Variants in ERP44 observed in about 807,000 individuals in gnomAD.
ERP44 encodes the protein endoplasmic reticulum protein 44.
ERP44 carries 25 observed loss-of-function variants against 53.4 expected under a neutral mutation model. The ratio of observed to expected loss-of-function variants is 0.47; its 90% CI spans 0.34 to 0.65. ERP44 has a LOEUF of 0.65. Ranked by LOEUF, ERP44 falls within the 30% of genes least tolerant of loss-of-function variation. ERP44 has a pLI of 0.01. For missense variants in ERP44, 338 were observed against 493.2 expected (o/e 0.69, Z 2.98); for synonymous variants, 145 against 161.2 (o/e 0.90, Z 0.76).
At chr9:99,985,631 G>A (rs1167491638) in intron 10 of ERP44, among the ~76,000 whole-genome samples, 1 of 152,088 alleles carries the variant, frequency 6.6e-6, no homozygotes, top group Non-Finnish European at 1.5e-5. Context: ...TTTGAGGTTC[G>A]GGTCCTTAAG....
At position 99,983,233 on chromosome 9, in the gene ERP44, G is replaced by A. The variant is rs1273440318; in HGVS notation, c.1120-520C>T. ...GTAGTATTTTACTTGTGTACCAAGA[G>A]CAGACAAAAATACACAGTGAAACGA... On this transcript the variant is annotated intron_variant, in intron 11 of 11. Coordinates refer to ENST00000262455, the MANE Select transcript of ERP44 (RefSeq NM_015051.3). Among the ~76,000 whole-genome samples, 7 of 152,162 alleles carry A rather than the reference G, an allele frequency of 4.6e-5. No homozygotes were observed. In the East Asian group the frequency reaches 1.3e-3, roughly 29 times the overall value.
At chr9:100,041,164 G>A (rs1256084747) in intron 4 of ERP44, among the ~76,000 whole-genome samples, 2 of 152,030 alleles carry the variant, frequency 1.3e-5, no homozygotes, top group African/African-American at 4.8e-5. Flanking sequence ...AGTTTATATG[G>A]AACCACAAAA....
At chr9:100,098,440 T>C (rs1034484288) in intron 1 of ERP44, among the ~76,000 whole-genome samples, 1 of 152,194 alleles carries the variant, frequency 6.6e-6, no homozygotes, top group Non-Finnish European at 1.5e-5. Context: ...GAAGGAACGC[T>C]AGGTCTATGC....
intron 4 of ERP44, among the ~76,000 whole-genome samples, chr9:100,041,188 CAA>C (rs1825896926): frequency 6.6e-6 from 1 of 152,024 alleles, no homozygotes; most frequent in Non-Finnish European, 1.5e-5. Flanking sequence ...GCAGAATAGC[CAA>C]AGTTATCTTA....
At chr9:100,067,539 C>T (rs111437874) in intron 1 of ERP44, among the ~76,000 whole-genome samples, 1 of 152,120 alleles carries the variant, frequency 6.6e-6, no homozygotes, top group Non-Finnish European at 1.5e-5. Context: ...CTCGGCTCGC[C>T]ACAACCTCCA....
chr9:100,041,662 G>T (rs1010831361), intron 4 of ERP44, among the ~76,000 whole-genome samples: 2 of 151,936 alleles, frequency 1.3e-5, no homozygotes, highest in Non-Finnish European at 2.9e-5. Context: ...GCAAGATTCC[G>T]ACTCAAAACA....
At chr9:100,064,346 T>G (rs1202837449) in intron 1 of ERP44, among the ~76,000 whole-genome samples, 1 of 152,156 alleles carries the variant, frequency 6.6e-6, no homozygotes, top group South Asian at 2.1e-4. Context: ...ACACTAAGAA[T>G]TTAGAGAGAC....
chr9:100,068,328 A>G (rs1421466000), intron 1 of ERP44, among the ~76,000 whole-genome samples: 1 of 112,844 alleles, frequency 8.9e-6, no homozygotes, highest in Non-Finnish European at 1.8e-5. Flanking sequence ...TCCGGGAGGG[A>G]GGTGGGGGGG....
At chr9:100,095,485 C>T (rs1275092152) in intron 1 of ERP44, among the ~76,000 whole-genome samples, 2 of 152,054 alleles carry the variant, frequency 1.3e-5, no homozygotes, top group South Asian at 2.1e-4. Flanking sequence ...AAAACCCAAA[C>T]ACTGACCAGA....
At chr9:99,987,187 T>C (rs997948157) in intron 10 of ERP44, among the ~76,000 whole-genome samples, 5 of 152,160 alleles carry the variant, frequency 3.3e-5, no homozygotes, top group African/African-American at 1.2e-4. Context: ...ACTGATGCAG[T>C]AGAAAAATAG....
chr9:100,001,291 G>A (rs1410638557), intron 10 of ERP44, among the ~76,000 whole-genome samples: 3 of 152,034 alleles, frequency 2.0e-5, no homozygotes, highest in East Asian at 1.9e-4. Flanking sequence ...ATGTTCCATG[G>A]GCACTTGAGA....
intron 1 of ERP44, among the ~76,000 whole-genome samples, chr9:100,087,577 G>A (rs1046182028): frequency 3.9e-5 from 6 of 152,144 alleles, no homozygotes; most frequent in Non-Finnish European, 5.9e-5. Flanking sequence ...CTCATTAGCT[G>A]CCCCAGAACT....
intron 11 of ERP44, among the ~76,000 whole-genome samples, chr9:99,983,749 T>C (rs1035502704): frequency 1.3e-5 from 2 of 152,170 alleles, no homozygotes; most frequent in African/African-American, 4.8e-5. Flanking sequence ...TACAAACTTA[T>C]CATTTGACTT....
intron 8 of ERP44, 48 bp from the exon 9 acceptor site, chr9:100,007,737 T>G: frequency 1.0e-6 from 1 of 1,004,910 alleles, no homozygotes; most frequent in Non-Finnish European, 1.6e-6. Context: ...CTCCATTCAG[T>G]TGTAGCTATT....
chr9:100,064,809 T>C (rs1399668345), intron 1 of ERP44, among the ~76,000 whole-genome samples: 2 of 152,072 alleles, frequency 1.3e-5, no homozygotes, highest in Non-Finnish European at 2.9e-5. Flanking sequence ...GTCTTGGTTT[T>C]CAACAAAAAA....
intron 1 of ERP44, 151 bp from the exon 2 acceptor site, chr9:100,060,323 T>G: frequency 1.1e-6 from 1 of 943,632 alleles, no homozygotes; most frequent in Non-Finnish European, 1.4e-6. Context: ...TCTAATCTTT[T>G]ACTAGATAAA....
chr9:100,075,571 G>A (rs1826346665), intron 1 of ERP44, among the ~76,000 whole-genome samples: 1 of 152,164 alleles, frequency 6.6e-6, no homozygotes, highest in South Asian at 2.1e-4. Context: ...AGACACACGG[G>A]ACTTCTTGGT....
At chr9:100,044,614 T>C (rs1825948058) in intron 4 of ERP44, among the ~76,000 whole-genome samples, 2 of 152,324 alleles carry the variant, frequency 1.3e-5, no homozygotes, top group South Asian at 2.1e-4. Context: ...AATAATTGTG[T>C]TGAAGGTCAT....
chr9:99,998,961 TTA>T, intron 10 of ERP44: 1 of 1,515,094 alleles, frequency 6.6e-7, no homozygotes, highest in East Asian at 2.3e-5. Flanking sequence ...TAAAAAGTTT[TTA>T]TATTCTGGAT....
Sources: allele counts gnomAD v4.1 joint callset (sites outside exome capture counted in the v4.1 genomes callset), GRCh38; gene constraint gnomAD v4.1.1; transcripts MANE v1.5; gene names NCBI Gene and HGNC (gene_info 2026-07-23, HGNC 2026-07-21).